UROC1: variants seen among roughly 807,000 people sequenced by gnomAD.
UROC1 encodes the protein urocanate hydratase.
UROC1 carries 79 observed loss-of-function variants against 89.5 expected under a neutral mutation model. The ratio of observed to expected loss-of-function variants is 0.88; its 90% CI spans 0.74 to 1.06. The LOEUF (loss-of-function observed/expected upper bound fraction) is 1.06, where lower values mean the gene tolerates loss of function less well. Ranked by LOEUF, UROC1 falls within the 50% of genes least tolerant of loss-of-function variation. The pLI is 0.00. For synonymous variants in UROC1, 361 were observed against 354.8 expected, an observed-to-expected ratio of 1.02 and a Z score of -0.20; for missense variants, 885 against 907.8, an observed-to-expected ratio of 0.97 and a Z score of 0.32.
In UROC1 at chr3:126,485,023, C is replaced by G. The variant is rs77153862; in HGVS notation, c.1791-1555G>C. Among the ~76,000 whole-genome samples the G allele has an allele frequency of 4.6e-3, 700 of 152,318 alleles. 11 individuals carry two copies. The East Asian group carries it at 0.06, about 13-fold the overall frequency. On this transcript the variant is annotated intron_variant, in intron 18 of 19. Coordinates refer to ENST00000290868, the MANE Select transcript of UROC1 (RefSeq NM_144639.3). ...TGACCACAGAGGAACTCTGAACTTG[C>G]AGATCCCAGGAAAATGGGAACGCTA...
At chr3:126,509,131 G>C (rs71327768) in intron 3 of UROC1, among the ~76,000 whole-genome samples, 1 of 151,760 alleles carries the variant, frequency 6.6e-6, no homozygotes, top group Non-Finnish European at 1.5e-5. Flanking sequence ...AGCTACCCGG[G>C]AGGCTGAGGT....
At chr3:126,502,082 T>A in intron 9 of UROC1, 1 of 827,968 alleles carries the variant, frequency 1.2e-6, no homozygotes, top group Non-Finnish European at 1.8e-6. Flanking sequence ...GTGTGTGTGT[T>A]CATGTGTGGA....
chr3:126,516,749 A>C (rs2107554939), intron 1 of UROC1, among the ~76,000 whole-genome samples: 1 of 118,510 alleles, frequency 8.4e-6, no homozygotes, highest in East Asian at 2.5e-4. Flanking sequence ...CTCTGCCCTG[A>C]GTGACCCCTA....
chr3:126,486,658 T>C (rs1202334917), intron 18 of UROC1, among the ~76,000 whole-genome samples: 2 of 152,130 alleles, frequency 1.3e-5, no homozygotes, highest in African/African-American at 4.8e-5. Flanking sequence ...GGAAGTTCGG[T>C]CCAGGAATGT....
At chr3:126,504,837 G>A (rs7652993) in intron 8 of UROC1, among the ~76,000 whole-genome samples, 14 of 152,094 alleles carry the variant, frequency 9.2e-5, no homozygotes, top group African/African-American at 1.9e-4. Context: ...AGAAAGATGC[G>A]AGAGCCTACT....
At chr3:126,485,946 C>G (rs1363108918) in intron 18 of UROC1, among the ~76,000 whole-genome samples, 1 of 152,134 alleles carries the variant, frequency 6.6e-6, no homozygotes, top group African/African-American at 2.4e-5. Context: ...TTATTTAACC[C>G]ACAAGGATGA....
intron 15 of UROC1, among the ~76,000 whole-genome samples, chr3:126,495,267 G>T (rs1025630238): frequency 3.3e-5 from 5 of 152,084 alleles, no homozygotes; most frequent in Non-Finnish European, 5.9e-5. Context: ...GTATTAAGTC[G>T]ATTCATAATG....
chr3:126,489,199 GTGAC>G, intron 17 of UROC1, 73 bp downstream of exon 17: 1 of 1,380,064 alleles, frequency 7.2e-7, no homozygotes, highest in African/African-American at 1.4e-5. Flanking sequence ...TCGAAACATT[GTGAC>G]TGACTAAATG....
intron 2 of UROC1, among the ~76,000 whole-genome samples, chr3:126,510,248 G>A (rs887292154): frequency 6.6e-6 from 1 of 152,232 alleles, no homozygotes; most frequent in Non-Finnish European, 1.5e-5. Context: ...CAGGGGTGCT[G>A]TGCACACTGT....
chr3:126,481,946 C>T lies in UROC1; in HGVS notation c.*399G>A. ...TGCCAGGGTCCAGAAGTTGCTTGCA[C>T]AGACAGCAGATGGGCAGCAGACAGA... On this transcript the variant is annotated 3_prime_UTR_variant, in exon 20 of 20. Transcript: ENST00000290868. 3.5e-6 allele frequency: 1 copy of T among 287,174 alleles called. No homozygotes were observed. Among genetic ancestry groups the T allele is most frequent in the Non-Finnish European group, 6.8e-6 (1 of 147,004 alleles). 17.8% of individuals were successfully genotyped at this position (287,174 alleles called of 1,614,324 possible).
intron 14 of UROC1, among the ~76,000 whole-genome samples, chr3:126,496,631 T>C (rs892733219): frequency 4.6e-5 from 7 of 152,172 alleles, no homozygotes; most frequent in Admixed American, 6.5e-5. Context: ...CTGGCCAAGC[T>C]CACGGAGTAT....
Position 126,482,455 on chromosome 3 carries a change from T to G in UROC1, c.1921A>C (p.Lys641Gln), listed in dbSNP as rs138228816. The G allele has an allele frequency of 1.2e-6, 2 of 1,613,892 alleles. No individual in the cohort carries two copies. The highest frequency in any genetic ancestry group is 1.7e-6 in the Non-Finnish European group (2 of 1,180,014). The stretch of plus-strand genomic sequence containing the variant: ...GTCTGGCAGATGATCTCATAGGCCT[T>G]CTGGTTCCCTGACCAGCAGCGCCGG... ...VARRCWSGNQ[K>Q]AYEIICQTMQ... Residue 641 changes from lysine to glutamine, a missense_variant, in exon 20 of 20, where the codon AAG (lysine) becomes CAG (glutamine). Coordinates refer to ENST00000290868, the MANE Select transcript of UROC1 (RefSeq NM_144639.3).
intron 15 of UROC1, 55 bp downstream of exon 15, chr3:126,495,983 G>A: frequency 1.3e-6 from 2 of 1,561,820 alleles, no homozygotes; most frequent in Non-Finnish European, 1.8e-6. Context: ...CCTCACCTTT[G>A]GGCAGTCTTC....
At chr3:126,496,726 G>T (rs921762991) in intron 14 of UROC1, among the ~76,000 whole-genome samples, 1 of 152,166 alleles carries the variant, frequency 6.6e-6, no homozygotes, top group Non-Finnish European at 1.5e-5. Flanking sequence ...GGGAGCCAGT[G>T]GTTAACATAA....
chr3:126,492,636 C>CCTCT (rs2307882), intron 15 of UROC1, 120 bp from the exon 16 acceptor site: 566,839 of 771,006 alleles, frequency 0.74, 210,526 homozygotes, highest in South Asian at 0.79. Context: ...AGCCTGAGCG[C>CCTCT]CTAACAAGGT....
At chr3:126,506,404 G>A (rs906379140) in intron 6 of UROC1, among the ~76,000 whole-genome samples, 1 of 152,212 alleles carries the variant, frequency 6.6e-6, no homozygotes. Context: ...TGAAGCTGCT[G>A]AGATGCCCCT....
At chr3:126,506,872 G>A (rs531041340) in intron 6 of UROC1, among the ~76,000 whole-genome samples, 10 of 152,296 alleles carry the variant, frequency 6.6e-5, no homozygotes, top group African/African-American at 2.4e-4. Flanking sequence ...GAGGTCAGCG[G>A]TTCGAGACCA....
rs1315012177 is a variant in UROC1 at position 126,507,971 on chromosome 3, C to T, written c.536G>A (p.Gly179Glu). The change falls in exon 5 of 20, where the codon GGG (glycine) becomes GAG (glutamate). Residue 179 changes from glycine to glutamate, a missense_variant. Transcript: ENST00000290868. ...RSAPRLVITN[G>E]MVIPNYSSRT... ...TGCCACCTGCTGGGGACCCACCATC[C>T]CATTGGTGATGACGAGCCGTGGGGC... The T allele has an allele frequency of 6.2e-7, 1 of 1,613,914 alleles. No homozygotes were observed. The highest frequency in any genetic ancestry group is 1.7e-5 in the Admixed American group (1 of 60,034).
At chr3:126,504,228 G>A (rs1198793123) in intron 8 of UROC1, 145 bp from the exon 9 acceptor site, 2 of 781,432 alleles carry the variant, frequency 2.6e-6, no homozygotes, top group Non-Finnish European at 2.2e-6. Context: ...GACACCATGA[G>A]CTGCCCTCCC....
Sources: gnomAD v4.1 joint callset for allele counts (sites outside exome capture counted in the v4.1 genomes callset) on GRCh38, gnomAD v4.1.1 for gene constraint, MANE v1.5 for transcripts, NCBI Gene and HGNC (gene_info 2026-07-23, HGNC 2026-07-21) for gene names.